SMAD1: variants seen among roughly 807,000 people sequenced by gnomAD.
SMAD1 encodes SMAD family member 1, also known as MAD, mothers against decapentaplegic homolog 1.
In SMAD1, 6 loss-of-function variants were observed where a neutral mutation model predicts 41.6. The observed-to-expected ratio is 0.14, with a 90% confidence interval of 0.08 to 0.28. The LOEUF (loss-of-function observed/expected upper bound fraction) is 0.28. Among genes scored for constraint, SMAD1 ranks in the 10% least tolerant of loss-of-function variants. SMAD1 has a pLI of 1.00. For synonymous variants in SMAD1, 206 were observed against 203.2 expected, an observed-to-expected ratio of 1.01 and a Z score of -0.12; for missense variants, 379 against 582.6, an observed-to-expected ratio of 0.65 and a Z score of 3.60.
chr4:145,531,825 CT>C (rs370589686), intron 2 of SMAD1, among the ~76,000 whole-genome samples: 2,037 of 145,610 alleles, frequency 0.014, 39 homozygotes, highest in African/African-American at 0.045. Context: ...TCCGTTACTT[CT>C]TTTTTTTTTT....
intron 1 of SMAD1, among the ~76,000 whole-genome samples, chr4:145,499,614 CAAG>C (rs1024915897): frequency 4.1e-4 from 63 of 151,950 alleles, no homozygotes; most frequent in African/African-American, 1.5e-3. Context: ...GACCATGTCT[CAAG>C]AAAAAAAGAA....
chr4:145,539,784 T>C lies in SMAD1; in HGVS notation c.401-20T>C, dbSNP rs1731812696. The C allele has an allele frequency of 6.2e-7, 1 of 1,609,242 alleles. No individual in the cohort carries two copies. Among genetic ancestry groups the C allele is most frequent in the Admixed American group, 1.7e-5 (1 of 59,870 alleles). The stretch of plus-strand genomic sequence containing the variant: ...TAATTCTCATGTTTGTCCTTCTCTT[T>C]TTTCCCTTCCTTTTTCTAGTACTTC... On this transcript the variant is annotated intron_variant, in intron 2 of 6. Transcript: ENST00000302085.
Position 145,558,095 on chromosome 4 carries a change from C to A in SMAD1, c.*161C>A, listed in dbSNP as rs34978105. 133,031 of 339,438 alleles carry A rather than the reference C, an allele frequency of 0.39. 26,252 individuals carry two copies. Among genetic ancestry groups the A allele is most frequent in the Non-Finnish European group, 0.47 (89,272 of 188,686 alleles). 21.0% of individuals were successfully genotyped at this position (339,438 alleles called of 1,614,324 possible). A position where few individuals can be genotyped will look rare whatever the true frequency, so the allele number is the denominator to read the frequency against. On this transcript the variant is annotated 3_prime_UTR_variant, in exon 7 of 7. Coordinates refer to ENST00000302085, the MANE Select transcript of SMAD1 (RefSeq NM_005900.3). The stretch of plus-strand genomic sequence containing the variant: ...AAATTTAAACAAAAAAAAAAAAAAA[C>A]ACACACACCTTGGTAACATACTGTT...
At chr4:145,485,702 T>A (rs1728447662) in intron 1 of SMAD1, among the ~76,000 whole-genome samples, 1 of 152,212 alleles carries the variant, frequency 6.6e-6, no homozygotes, top group African/African-American at 2.4e-5. Context: ...ATAAAAGGAG[T>A]TTGACTTTTC....
At chr4:145,511,303 G>C (rs928671083) in intron 1 of SMAD1, among the ~76,000 whole-genome samples, 1 of 105,056 alleles carries the variant, frequency 9.5e-6, no homozygotes, top group African/African-American at 1.3e-4. Context: ...TTTTAGAGAC[G>C]CTCTCACTCT....
intron 2 of SMAD1, among the ~76,000 whole-genome samples, chr4:145,539,593 T>A (rs1731804469): frequency 6.6e-6 from 1 of 152,216 alleles, no homozygotes; most frequent in Non-Finnish European, 1.5e-5. Context: ...CAGGCATATG[T>A]CATCAGTGAT....
rs1278841217 is a variant in SMAD1 at position 145,519,164 on chromosome 4, C to T, written c.400+4151C>T. On this transcript the variant is annotated intron_variant, in intron 2 of 6. Transcript: ENST00000302085. The stretch of plus-strand genomic sequence containing the variant: ...AGGCTGGAGTGCAGTGGCATGATCT[C>T]GGCTCACTGCAACCTCTGCCTCCCA... Among the ~76,000 whole-genome samples, 5 of 96,418 alleles carry T rather than the reference C, an allele frequency of 5.2e-5. 1 individual carries two copies. Among genetic ancestry groups the T allele is most frequent in the Non-Finnish European group, 9.6e-5 (4 of 41,714 alleles). The allele number at this position is 96,418 out of a possible 152,430, so 63.3% of individuals were successfully genotyped here.
intron 1 of SMAD1, among the ~76,000 whole-genome samples, chr4:145,485,220 A>G (rs915704599): frequency 6.6e-6 from 1 of 152,180 alleles, no homozygotes; most frequent in East Asian, 1.9e-4. Context: ...AGGCACTGCC[A>G]CCATGTCTGC....
At chr4:145,496,085 A>T (rs11930324) in intron 1 of SMAD1, among the ~76,000 whole-genome samples, 17,441 of 151,978 alleles carry the variant, frequency 0.11, 3,093 homozygotes, top group African/African-American at 0.38. Flanking sequence ...AAGTGAATTT[A>T]ATTTTGTCAC....
At chr4:145,535,399 A>C (rs1023380699) in intron 2 of SMAD1, among the ~76,000 whole-genome samples, 1 of 152,242 alleles carries the variant, frequency 6.6e-6, no homozygotes, top group African/African-American at 2.4e-5. Flanking sequence ...TTGCAGTATT[A>C]CATTTTCTGG....
In SMAD1 at chr4:145,539,894, C is replaced by T. The variant is rs1423413774; in HGVS notation, c.491C>T (p.Pro164Leu). 1.9e-6 allele frequency: 3 copies of T among 1,613,904 alleles called. No individual in the cohort carries two copies. The highest frequency in any genetic ancestry group is 1.7e-5 in the Admixed American group (1 of 59,958). ...TTCCGTAACTTAGGACAAAATGAGCCTCACATGCCACTCAACGCCACTTTT... is the reference window on the plus strand; with the variant it reads ...TTCCGTAACTTAGGACAAAATGAGCTTCACATGCCACTCAACGCCACTTTT... ...AQFRNLGQNE[P>L]HMPLNATFPD... The change falls in exon 3 of 7, where the codon CCT (proline) becomes CTT (leucine). Residue 164 changes from proline to leucine, a missense_variant. Pro to Leu is a moderately conservative substitution (Grantham distance 98). Transcript: ENST00000302085.
chr4:145,485,250 A>G (rs1182073775), intron 1 of SMAD1, among the ~76,000 whole-genome samples: 1 of 151,772 alleles, frequency 6.6e-6, no homozygotes, highest in African/African-American at 2.4e-5. Context: ...TTGTTTTTGT[A>G]TTTCTTGTAG....
chr4:145,503,008 C>A, intron 1 of SMAD1: 1 of 152,350 alleles, frequency 6.6e-6, no homozygotes, highest in Non-Finnish European at 1.5e-5. Flanking sequence ...GCAATAGTAC[C>A]TGCATTATTG....
chr4:145,525,981 G>A (rs1000359010), intron 2 of SMAD1, among the ~76,000 whole-genome samples: 5 of 152,184 alleles, frequency 3.3e-5, no homozygotes, highest in Non-Finnish European at 7.3e-5. Flanking sequence ...TGGAAGATCA[G>A]GTTTATATTC....
At chr4:145,508,981 A>G (rs1729933854) in intron 1 of SMAD1, among the ~76,000 whole-genome samples, 1 of 152,148 alleles carries the variant, frequency 6.6e-6, no homozygotes, top group Non-Finnish European at 1.5e-5. Flanking sequence ...CAACATGTGA[A>G]TTTAGGGAGG....
chr4:145,503,947 C>T (rs897497264), intron 1 of SMAD1: 1 of 152,172 alleles, frequency 6.6e-6, no homozygotes, highest in Non-Finnish European at 1.5e-5. Context: ...GGGATCGGCT[C>T]GGGCCACTGC....
intron 1 of SMAD1, among the ~76,000 whole-genome samples, chr4:145,501,410 G>A (rs1283334998): frequency 6.6e-6 from 1 of 152,208 alleles, no homozygotes; most frequent in Admixed American, 6.5e-5. Context: ...TTCCTTTGAT[G>A]CCTGTGATGA....
At chr4:145,509,441 C>T (rs916121433) in intron 1 of SMAD1, among the ~76,000 whole-genome samples, 11 of 152,114 alleles carry the variant, frequency 7.2e-5, no homozygotes, top group African/African-American at 2.7e-4. Flanking sequence ...CGTTGCCCAA[C>T]ACTTGCCTTA....
At chr4:145,524,717 G>A (rs1730934629) in intron 2 of SMAD1, among the ~76,000 whole-genome samples, 1 of 151,676 alleles carries the variant, frequency 6.6e-6, no homozygotes. Context: ...AAGTGCAGCT[G>A]TCTTCCACCC....
Sources: allele counts gnomAD v4.1 joint callset (sites outside exome capture counted in the v4.1 genomes callset), GRCh38; gene constraint gnomAD v4.1.1; transcripts MANE v1.5; gene names NCBI Gene and HGNC (gene_info 2026-07-23, HGNC 2026-07-21).